Variants in ARHGAP24 observed in about 807,000 individuals in gnomAD.
The protein encoded by ARHGAP24 is Rho GTPase activating protein 24.
In ARHGAP24, 50 loss-of-function variants were observed where a neutral mutation model predicts 76.4. The observed-to-expected ratio is 0.65, with a 90% CI of 0.52 to 0.83. The LOEUF (loss-of-function observed/expected upper bound fraction) is 0.83, where lower values mean the gene tolerates loss of function less well. Among genes scored for constraint, ARHGAP24 ranks in the 40% least tolerant of loss-of-function variants. The probability of loss-of-function intolerance (pLI) is 0.00; values close to 1 mark genes in which losing one functional copy is unlikely to be tolerated. For synonymous variants in ARHGAP24, 345 were observed against 323.3 expected (o/e 1.07, Z -0.72); for missense variants, 930 against 914.2 (o/e 1.02, Z -0.22).
chr4:85,784,301 C>CT (rs139108824), intron 3 of ARHGAP24, among the ~76,000 whole-genome samples: 8 of 150,030 alleles, frequency 5.3e-5, no homozygotes, highest in East Asian at 3.9e-4. Context: ...CTCTCCTAGG[C>CT]TTTTTTTTTT....
rs1469217179 is a variant in ARHGAP24, at chr4:85,662,839, G to GT, written c.181-59044dup. Among the ~76,000 whole-genome samples, 13 of 152,158 alleles carry GT rather than the reference G, an allele frequency of 8.5e-5. No individual in the cohort carries two copies. The East Asian group carries it at 2.5e-3, about 29-fold the overall frequency. On this transcript the variant is annotated intron_variant, in intron 2 of 9. Coordinates refer to ENST00000395184, the MANE Select transcript of ARHGAP24 (RefSeq NM_001025616.3). ...GATCAGATAGTTGTAGATATGCGGC[G>GT]TTATTTCTGAGGGCTCTGTTCTCTT...
intron 1 of ARHGAP24, among the ~76,000 whole-genome samples, chr4:85,485,006 A>G (rs867280037): frequency 6.9e-4 from 105 of 152,078 alleles, no homozygotes; most frequent in African/African-American, 2.2e-3. Flanking sequence ...CAGATTTGCT[A>G]GAAAAGACTT....
At chr4:85,859,932 A>T (rs1348751948) in intron 3 of ARHGAP24, among the ~76,000 whole-genome samples, 3 of 146,468 alleles carry the variant, frequency 2.0e-5, no homozygotes, top group East Asian at 4.0e-4. Flanking sequence ...GCTTACAATT[A>T]AAAAAAAAAT....
At chr4:85,536,117 A>C (rs569980453) in intron 1 of ARHGAP24, among the ~76,000 whole-genome samples, 8 of 152,242 alleles carry the variant, frequency 5.3e-5, no homozygotes, top group African/African-American at 1.7e-4. Flanking sequence ...TGAGTGATAT[A>C]ATCAGAATCC....
intron 2 of ARHGAP24, among the ~76,000 whole-genome samples, chr4:85,636,957 A>C (rs892536981): frequency 1.3e-5 from 2 of 152,074 alleles, no homozygotes; most frequent in African/African-American, 2.4e-5. Context: ...TTTCAAAGGA[A>C]GGAATGAACA....
At chr4:85,743,006 T>C (rs1369418322) in intron 3 of ARHGAP24, among the ~76,000 whole-genome samples, 4 of 152,106 alleles carry the variant, frequency 2.6e-5, no homozygotes, top group African/African-American at 9.7e-5. Context: ...TCTGAAAAAA[T>C]GTTGCCTTTA....
chr4:85,540,487 T>C (rs999881356), intron 1 of ARHGAP24, among the ~76,000 whole-genome samples: 1 of 152,212 alleles, frequency 6.6e-6, no homozygotes, highest in Non-Finnish European at 1.5e-5. Context: ...TAAGCAGCTA[T>C]AAGCAGCATA....
intron 2 of ARHGAP24, among the ~76,000 whole-genome samples, chr4:85,674,440 C>A (rs982710848): frequency 6.6e-6 from 1 of 152,268 alleles, no homozygotes; most frequent in African/African-American, 2.4e-5. Context: ...CAGAATAATA[C>A]AAAATCTTTT....
intron 1 of ARHGAP24, among the ~76,000 whole-genome samples, chr4:85,503,259 T>C (rs1723900654): frequency 6.6e-6 from 1 of 152,208 alleles, no homozygotes; most frequent in Non-Finnish European, 1.5e-5. Flanking sequence ...ATTCCCTCTT[T>C]TTCTATTGAT....
chr4:85,778,780 C>T (rs1727408922), intron 3 of ARHGAP24: 1 of 985,262 alleles, frequency 1.0e-6, no homozygotes, highest in Non-Finnish European at 1.2e-6. Flanking sequence ...ATATCCCCTT[C>T]TACAAGAAAA....
At chr4:85,912,476 T>C (rs548365426) in intron 3 of ARHGAP24, among the ~76,000 whole-genome samples, 1 of 152,324 alleles carries the variant, frequency 6.6e-6, no homozygotes, top group East Asian at 1.9e-4. Flanking sequence ...AAACCCAAAT[T>C]AGAGTTTTTC....
chr4:85,851,872 G>A (rs1224039306), intron 3 of ARHGAP24, among the ~76,000 whole-genome samples: 1 of 152,158 alleles, frequency 6.6e-6, no homozygotes, highest in Non-Finnish European at 1.5e-5. Flanking sequence ...CTCTCTGGCT[G>A]ACCTTAACAT....
At position 85,882,709 on chromosome 4, in the gene ARHGAP24, G is replaced by A. The variant is rs573921826; in HGVS notation, c.269-40939G>A. Among the ~76,000 whole-genome samples, 3 of 152,290 alleles carry A rather than the reference G, an allele frequency of 2.0e-5. No individual in the cohort carries two copies. In the East Asian group the frequency reaches 5.8e-4, roughly 29 times the overall value. On this transcript the variant is annotated intron_variant, in intron 3 of 9. Coordinates refer to ENST00000395184, the MANE Select transcript of ARHGAP24 (RefSeq NM_001025616.3). ...AGCAAAGGTTTTCCAAAGGAGAATA[G>A]AGAGGTTCTCATAGGTGGCCAGAAT...
chr4:85,841,168 A>G (rs1417671531), intron 3 of ARHGAP24, among the ~76,000 whole-genome samples: 2 of 152,244 alleles, frequency 1.3e-5, no homozygotes, highest in Middle Eastern at 3.4e-3. Flanking sequence ...TTTTATATTT[A>G]TATTTTGTTT....
intron 5 of ARHGAP24, among the ~76,000 whole-genome samples, chr4:85,968,516 G>A (rs1414178413): frequency 6.6e-6 from 1 of 152,060 alleles, no homozygotes. Context: ...GCAAAGTAGT[G>A]GATTTTCAAT....
At chr4:85,845,125 G>C (rs1039500149) in intron 3 of ARHGAP24, among the ~76,000 whole-genome samples, 5 of 152,064 alleles carry the variant, frequency 3.3e-5, no homozygotes, top group Admixed American at 6.6e-5. Context: ...TCTTTCTTTT[G>C]CAAGTCAAAA....
At chr4:85,658,849 A>G (rs368145759) in intron 2 of ARHGAP24, among the ~76,000 whole-genome samples, 2 of 152,302 alleles carry the variant, frequency 1.3e-5, no homozygotes, top group East Asian at 3.9e-4. Flanking sequence ...TCCTTGGAGT[A>G]ATCCAGAATT....
chr4:85,969,353 G>C (rs1738821991), intron 5 of ARHGAP24, among the ~76,000 whole-genome samples: 1 of 151,678 alleles, frequency 6.6e-6, no homozygotes, highest in South Asian at 2.1e-4. Flanking sequence ...TGTGTTTCTT[G>C]TTTATCATTA....
At chr4:85,593,874 A>G (rs1320967825) in intron 2 of ARHGAP24, among the ~76,000 whole-genome samples, 1 of 152,116 alleles carries the variant, frequency 6.6e-6, no homozygotes, top group African/African-American at 2.4e-5. Flanking sequence ...TATAATTTGA[A>G]GTCAGGTTAT....
Sources: allele counts gnomAD v4.1 joint callset (sites outside exome capture counted in the v4.1 genomes callset), GRCh38; gene constraint gnomAD v4.1.1; transcripts MANE v1.5; gene names NCBI Gene and HGNC (gene_info 2026-07-23, HGNC 2026-07-21).